The following B3GALT1 variants were observed in gnomAD, a reference collection of about 807,000 sequenced individuals.
B3GALT1 encodes the protein UDP-Gal:betaGlcNAc beta 1,3-galactosyltransferase, polypeptide 1.
Under a neutral mutation model 23.2 loss-of-function variants are expected in B3GALT1, and 10 were observed. That is an observed-to-expected ratio of 0.43 (90% CI 0.27 to 0.73). The LOEUF (loss-of-function observed/expected upper bound fraction) is 0.73. Ranked by LOEUF, B3GALT1 falls within the 30% of genes least tolerant of loss-of-function variation. The pLI is 0.21. For missense variants in B3GALT1, 299 were observed against 405.4 expected (o/e 0.74, Z 2.25); for synonymous variants, 156 against 141.5 (o/e 1.10, Z -0.73).
At chr2:167,580,499 A>G (rs1282330833) in intron 2 of B3GALT1, among the ~76,000 whole-genome samples, 1 of 152,106 alleles carries the variant, frequency 6.6e-6, no homozygotes, top group Non-Finnish European at 1.5e-5. Context: ...CTTTAAGGAG[A>G]AAATCATTTT....
intron 2 of B3GALT1, among the ~76,000 whole-genome samples, chr2:167,641,364 A>G (rs1446975080): frequency 1.3e-5 from 2 of 152,096 alleles, no homozygotes; most frequent in Non-Finnish European, 2.9e-5. Context: ...AAGGCCATCA[A>G]CGTTATCCAT....
At chr2:167,529,604 C>A (rs1000938326) in intron 2 of B3GALT1, among the ~76,000 whole-genome samples, 2 of 151,440 alleles carry the variant, frequency 1.3e-5, no homozygotes, top group African/African-American at 4.8e-5. Flanking sequence ...ACATGAGCAC[C>A]ACCGTCAGCT....
intron 1 of B3GALT1, among the ~76,000 whole-genome samples, chr2:167,463,130 T>G (rs1699290194): frequency 6.6e-6 from 1 of 152,118 alleles, no homozygotes; most frequent in Admixed American, 6.6e-5. Flanking sequence ...GTTATTTATT[T>G]TGTCTGTTTC....
chr2:167,371,077 G>A (rs1385751852), intron 1 of B3GALT1, among the ~76,000 whole-genome samples: 1 of 152,032 alleles, frequency 6.6e-6, no homozygotes, highest in African/African-American at 2.4e-5. Flanking sequence ...TGATCCCTTG[G>A]AGAAAAAAGA....
chr2:167,376,406 C>T (rs1249328091), intron 1 of B3GALT1, among the ~76,000 whole-genome samples: 1 of 152,068 alleles, frequency 6.6e-6, no homozygotes, highest in Non-Finnish European at 1.5e-5. Flanking sequence ...GGAATAGTTT[C>T]TGTAGAATTG....
At chr2:167,327,718 T>C (rs951734768) in intron 1 of B3GALT1, among the ~76,000 whole-genome samples, 2 of 152,106 alleles carry the variant, frequency 1.3e-5, no homozygotes, top group Non-Finnish European at 2.9e-5. Flanking sequence ...TTTGTTTCTT[T>C]CTCTTGCTGG....
chr2:167,532,510 T>C (rs1447326615), intron 2 of B3GALT1, among the ~76,000 whole-genome samples: 3 of 152,086 alleles, frequency 2.0e-5, no homozygotes, highest in African/African-American at 7.2e-5. Context: ...ATCCACACTT[T>C]CATATATTTC....
At chr2:167,479,226 A>G (rs1197439146) in intron 1 of B3GALT1, among the ~76,000 whole-genome samples, 1 of 152,180 alleles carries the variant, frequency 6.6e-6, no homozygotes, top group African/African-American at 2.4e-5. Flanking sequence ...TGAAGATTAA[A>G]TGAGGTGGTA....
chr2:167,473,914 A>G (rs906804178), intron 1 of B3GALT1, among the ~76,000 whole-genome samples: 1 of 152,172 alleles, frequency 6.6e-6, no homozygotes, highest in African/African-American at 2.4e-5. Flanking sequence ...TGTTCCACCC[A>G]TTATTTTCAG....
At chr2:167,746,589 G>A (rs1687655859) in intron 3 of B3GALT1, among the ~76,000 whole-genome samples, 1 of 152,216 alleles carries the variant, frequency 6.6e-6, no homozygotes, top group African/African-American at 2.4e-5. Context: ...TCAGAAATAT[G>A]TGACAATGGA....
At chr2:167,786,265 C>T (rs953625104) in intron 3 of B3GALT1, among the ~76,000 whole-genome samples, 3 of 152,206 alleles carry the variant, frequency 2.0e-5, no homozygotes, top group African/African-American at 7.2e-5. Flanking sequence ...GAAACCTCGC[C>T]TGTTACACAG....
chr2:167,634,474 G>A (rs1400489994), intron 2 of B3GALT1, among the ~76,000 whole-genome samples: 1 of 152,022 alleles, frequency 6.6e-6, no homozygotes, highest in Admixed American at 6.6e-5. Context: ...AAGAAGAAAA[G>A]AGAGAAGAAT....
chr2:167,661,506 C>CA (rs1686059852), intron 3 of B3GALT1, among the ~76,000 whole-genome samples: 1 of 152,050 alleles, frequency 6.6e-6, no homozygotes, highest in South Asian at 2.1e-4. Flanking sequence ...AACTTACTGA[C>CA]ATTTGGAACT....
rs1184451838 is a variant in B3GALT1, at chr2:167,758,930, C to T, written c.-351-59742C>T. Among the ~76,000 whole-genome samples, 5 of 152,178 alleles carry T rather than the reference C, an allele frequency of 3.3e-5. No individual in the cohort carries two copies. In the East Asian group the frequency reaches 5.8e-4, roughly 18 times the overall value. ...GGTACTCTGTATGGAAAGAAGCTTT[C>T]GTGATGGTAGGTCCTCAGCCTCGCA... On this transcript the variant is annotated intron_variant, in intron 3 of 4. Coordinates refer to ENST00000392690, the MANE Select transcript of B3GALT1 (RefSeq NM_020981.4).
chr2:167,664,830 T>C (rs1354213249), intron 3 of B3GALT1, among the ~76,000 whole-genome samples: 1 of 151,274 alleles, frequency 6.6e-6, no homozygotes, highest in Admixed American at 6.6e-5. Flanking sequence ...GAGACTTTGC[T>C]GAAGTTGCTT....
At chr2:167,394,289 C>CT (rs1698061583) in intron 1 of B3GALT1, among the ~76,000 whole-genome samples, 1 of 152,142 alleles carries the variant, frequency 6.6e-6, no homozygotes, top group Non-Finnish European at 1.5e-5. Context: ...TTTTCTATAT[C>CT]TATACAGAAG....
chr2:167,541,789 T>C lies in B3GALT1; in HGVS notation c.-410+51512T>C, dbSNP rs1299387301. Reference sequence around the variant, plus strand: ...CATAAGGATACAATTATTTAATTCATTATTCCTAATTAACCTGTTTTGCAT... The same window carrying C: ...CATAAGGATACAATTATTTAATTCACTATTCCTAATTAACCTGTTTTGCAT... On this transcript the variant is annotated intron_variant, in intron 2 of 4. Transcript: ENST00000392690. Among the ~76,000 whole-genome samples, 3 of 152,116 alleles carry C rather than the reference T, an allele frequency of 2.0e-5. No homozygotes were observed. The East Asian group carries it at 5.8e-4, about 29-fold the overall frequency.
intron 1 of B3GALT1, among the ~76,000 whole-genome samples, chr2:167,412,907 A>G (rs1698412278): frequency 6.6e-6 from 1 of 152,248 alleles, no homozygotes; most frequent in African/African-American, 2.4e-5. Context: ...GGGAAATGAA[A>G]TAAGACACAA....
At chr2:167,311,848 A>G (rs1169707210) in intron 1 of B3GALT1, among the ~76,000 whole-genome samples, 1 of 151,986 alleles carries the variant, frequency 6.6e-6, no homozygotes, top group Non-Finnish European at 1.5e-5. Context: ...AAGAGAAGAA[A>G]TAGTGGGAGG....
Sources: gnomAD v4.1 joint callset for allele counts (sites outside exome capture counted in the v4.1 genomes callset) on GRCh38, gnomAD v4.1.1 for gene constraint, MANE v1.5 for transcripts, NCBI Gene and HGNC (gene_info 2026-07-23, HGNC 2026-07-21) for gene names.